Variants in CPA6 observed in about 807,000 individuals in gnomAD.
CPA6 encodes carboxypeptidase A6.
CPA6 carries 58 observed loss-of-function variants against 63.3 expected under a neutral mutation model. The observed-to-expected ratio is 0.92, with a 90% CI of 0.74 to 1.14. CPA6 has a LOEUF of 1.14. Ranked by LOEUF, CPA6 falls within the 50% of genes most tolerant of loss-of-function variation. The probability of loss-of-function intolerance (pLI) is 0.00; values close to 1 mark genes in which losing one functional copy is unlikely to be tolerated. For missense variants in CPA6, 565 were observed against 526.6 expected (o/e 1.07, Z -0.71); for synonymous variants, 185 against 179.0 (o/e 1.03, Z -0.27).
intron 8 of CPA6, among the ~76,000 whole-genome samples, chr8:67,442,315 A>G (rs1810311234): frequency 6.6e-6 from 1 of 151,914 alleles, no homozygotes; most frequent in South Asian, 2.1e-4. Flanking sequence ...AAAAATCAAT[A>G]TAATGTGATA....
intron 2 of CPA6, among the ~76,000 whole-genome samples, chr8:67,535,664 A>C (rs1286179473): frequency 6.6e-6 from 1 of 152,216 alleles, no homozygotes; most frequent in Admixed American, 6.5e-5. Context: ...TTGCCTGTTC[A>C]TTCTGATGAT....
At chr8:67,709,611 C>A (rs1817212323) in intron 1 of CPA6, among the ~76,000 whole-genome samples, 3 of 152,278 alleles carry the variant, frequency 2.0e-5, no homozygotes, top group Non-Finnish European at 1.5e-5. Flanking sequence ...TTGTGAGTGA[C>A]CATGGCCCAG....
At chr8:67,482,901 G>A (rs956638100) in intron 8 of CPA6, among the ~76,000 whole-genome samples, 5 of 152,188 alleles carry the variant, frequency 3.3e-5, no homozygotes, top group African/African-American at 1.2e-4. Context: ...AGGGATGTGT[G>A]GAAGGAATCA....
chr8:67,712,790 G>A (rs892751803), intron 1 of CPA6, among the ~76,000 whole-genome samples: 3 of 151,922 alleles, frequency 2.0e-5, no homozygotes, highest in Admixed American at 2.0e-4. Flanking sequence ...GTAGTGTGAA[G>A]AAATTTCATG....
intron 8 of CPA6, among the ~76,000 whole-genome samples, chr8:67,451,845 C>T (rs1177880207): frequency 6.6e-6 from 1 of 152,188 alleles, no homozygotes; most frequent in Non-Finnish European, 1.5e-5. Flanking sequence ...TCTTGAATAA[C>T]TTAAAATCTG....
chr8:67,447,155 A>C (rs985017014), intron 8 of CPA6, among the ~76,000 whole-genome samples: 56 of 151,920 alleles, frequency 3.7e-4, no homozygotes, highest in African/African-American at 9.7e-5. Flanking sequence ...AGCTATTTTT[A>C]CTCACAAAAC....
intron 2 of CPA6, among the ~76,000 whole-genome samples, chr8:67,519,354 G>A (rs150918502): frequency 6.6e-6 from 1 of 152,302 alleles, no homozygotes; most frequent in Non-Finnish European, 1.5e-5. Flanking sequence ...ACCTCTGACT[G>A]CTCTGGGCCT....
At chr8:67,630,532 G>T (rs933671411) in intron 1 of CPA6, among the ~76,000 whole-genome samples, 2 of 152,220 alleles carry the variant, frequency 1.3e-5, no homozygotes, top group Admixed American at 6.5e-5. Flanking sequence ...TTAAAGAAAT[G>T]GCTGGATTTT....
chr8:67,466,987 A>G (rs1262054200), intron 8 of CPA6, among the ~76,000 whole-genome samples: 1 of 152,198 alleles, frequency 6.6e-6, no homozygotes, highest in Non-Finnish European at 1.5e-5. Context: ...AATAATATAC[A>G]TTCTTTTATT....
chr8:67,489,084 C>T (rs1327029598), intron 6 of CPA6, among the ~76,000 whole-genome samples: 1 of 152,036 alleles, frequency 6.6e-6, no homozygotes, highest in Admixed American at 6.6e-5. Flanking sequence ...ACTTCCAACA[C>T]TATGTTGAAT....
intron 8 of CPA6, among the ~76,000 whole-genome samples, chr8:67,479,873 T>C (rs972121815): frequency 1.3e-5 from 2 of 152,088 alleles, no homozygotes; most frequent in Admixed American, 6.6e-5. Flanking sequence ...TGTTATTTCA[T>C]AGGGATTGGC....
At chr8:67,582,884 C>T (rs1813813089) in intron 2 of CPA6, among the ~76,000 whole-genome samples, 2 of 152,012 alleles carry the variant, frequency 1.3e-5, no homozygotes, top group African/African-American at 2.4e-5. Context: ...ATCAGTGGTG[C>T]TGTAGGTTGT....
At chr8:67,551,092 C>A (rs1052263096) in intron 2 of CPA6, among the ~76,000 whole-genome samples, 6 of 152,028 alleles carry the variant, frequency 3.9e-5, no homozygotes, top group African/African-American at 1.4e-4. Flanking sequence ...GGCTTAGTCA[C>A]AACTTCTTTC....
intron 1 of CPA6, among the ~76,000 whole-genome samples, chr8:67,689,319 G>A (rs796370299): frequency 2.0e-5 from 3 of 152,206 alleles, no homozygotes; most frequent in African/African-American, 7.2e-5. Context: ...TACACATGCA[G>A]GTGTGTTACA....
chr8:67,562,143 C>T (rs111883873), intron 2 of CPA6, among the ~76,000 whole-genome samples: 2,170 of 152,280 alleles, frequency 0.014, 29 homozygotes, highest in Non-Finnish European at 0.023. Flanking sequence ...AGTGTCAATA[C>T]GATGAGGGGA....
At chr8:67,475,792 T>TCTTTC (rs1811169798) in intron 8 of CPA6, among the ~76,000 whole-genome samples, 1 of 57,348 alleles carries the variant, frequency 1.7e-5, no homozygotes, top group Non-Finnish European at 3.2e-5. Flanking sequence ...TTTCTTTCTT[T>TCTTTC]CTTTCTTTCT....
At chr8:67,438,330 G>GAAAACA (rs1810210525) in intron 8 of CPA6, among the ~76,000 whole-genome samples, 1 of 152,138 alleles carries the variant, frequency 6.6e-6, no homozygotes, top group Non-Finnish European at 1.5e-5. Context: ...TTTAAGAAAA[G>GAAAACA]AAAACAATTC....
At chr8:67,522,298 C>T (rs11985481) in intron 2 of CPA6, among the ~76,000 whole-genome samples, 4,115 of 152,266 alleles carry the variant, frequency 0.027, 180 homozygotes, top group African/African-American at 0.092. Flanking sequence ...GGGCTACCCA[C>T]TTCAGGTCCC....
intron 1 of CPA6, among the ~76,000 whole-genome samples, chr8:67,695,846 G>A (rs925202375): frequency 1.3e-5 from 2 of 152,164 alleles, no homozygotes; most frequent in East Asian, 3.9e-4. Flanking sequence ...GTACAGATGG[G>A]AGGGGCAGCA....
Sources: gnomAD v4.1 joint callset for allele counts (sites outside exome capture counted in the v4.1 genomes callset) on GRCh38, gnomAD v4.1.1 for gene constraint, MANE v1.5 for transcripts, NCBI Gene and HGNC (gene_info 2026-07-23, HGNC 2026-07-21) for gene names.